SNX24: variants seen among roughly 807,000 people sequenced by gnomAD.
SNX24 encodes sorting nexin 24.
SNX24 carries 22 observed loss-of-function variants against 28.7 expected under a neutral mutation model. The observed-to-expected ratio is 0.77, with a 90% confidence interval of 0.55 to 1.10. The LOEUF is 1.10. SNX24 is among the 50% of genes least tolerant of loss of function. The probability of loss-of-function intolerance (pLI) is 0.00; values close to 1 mark genes in which losing one functional copy is unlikely to be tolerated. For missense variants in SNX24, 221 were observed against 201.1 expected (o/e 1.10, Z -0.60); for synonymous variants, 69 against 71.5 (o/e 0.96, Z 0.18).
At chr5:122,991,590 G>T (rs1761851124) in intron 3 of SNX24, among the ~76,000 whole-genome samples, 2 of 152,122 alleles carry the variant, frequency 1.3e-5, no homozygotes, top group Admixed American at 6.6e-5. Flanking sequence ...CTCCCGAGTA[G>T]TTGGGATCAC....
At chr5:122,914,359 T>G (rs1187937443) in intron 1 of SNX24, among the ~76,000 whole-genome samples, 1 of 152,230 alleles carries the variant, frequency 6.6e-6, no homozygotes, top group Non-Finnish European at 1.5e-5. Flanking sequence ...ACAATTCTCT[T>G]TTCTTGTTGT....
intron 1 of SNX24, among the ~76,000 whole-genome samples, chr5:122,917,505 C>T (rs534667679): frequency 1.3e-5 from 2 of 151,674 alleles, no homozygotes; most frequent in South Asian, 2.1e-4. Context: ...TTCTGTTCCT[C>T]GCTTCTCTCC....
At chr5:122,853,025 T>C (rs1754992877) in intron 1 of SNX24, among the ~76,000 whole-genome samples, 1 of 151,274 alleles carries the variant, frequency 6.6e-6, no homozygotes, top group South Asian at 2.1e-4. Flanking sequence ...GCTGGCACAG[T>C]GCCTCATTCA....
intron 1 of SNX24, 138 bp from the exon 2 acceptor site, chr5:122,936,596 G>A: frequency 2.1e-6 from 1 of 477,900 alleles, no homozygotes; most frequent in Non-Finnish European, 3.8e-6. Flanking sequence ...TTGGGCCAGG[G>A]TGTCCTGAGC....
rs545770131 is a variant in SNX24, at chr5:122,952,123, T to G, written c.249+5964T>G. 5.3e-5 allele frequency among the ~76,000 whole-genome samples: 8 copies of G among 152,332 alleles called. No individual in the cohort carries two copies. In the South Asian group the frequency reaches 1.7e-3, roughly 32 times the overall value. On this transcript the variant is annotated intron_variant, in intron 3 of 6. Transcript: ENST00000261369. ...AACATAAAGAATTTCATATGAAGACTTGTGTCCCATTCCCAAGATATCTCA... is the reference window on the plus strand; with the variant it reads ...AACATAAAGAATTTCATATGAAGACGTGTGTCCCATTCCCAAGATATCTCA...
chr5:122,879,229 A>C (rs181533157), intron 1 of SNX24, among the ~76,000 whole-genome samples: 1 of 152,224 alleles, frequency 6.6e-6, no homozygotes, highest in East Asian at 1.9e-4. Flanking sequence ...GCCATGTTTC[A>C]AATGCTTGAC....
At chr5:122,906,923 C>G (rs1391657068) in intron 1 of SNX24, among the ~76,000 whole-genome samples, 1 of 152,174 alleles carries the variant, frequency 6.6e-6, no homozygotes, top group East Asian at 1.9e-4. Context: ...GTGACTCTAG[C>G]CCCTGCTCAT....
chr5:123,020,970 G>A (rs1402537776), intron 5 of SNX24, among the ~76,000 whole-genome samples: 1 of 152,104 alleles, frequency 6.6e-6, no homozygotes, highest in African/African-American at 2.4e-5. Flanking sequence ...TGTTCTGGAT[G>A]GCCAACAGGA....
At chr5:122,870,018 C>G (rs1316743364) in intron 1 of SNX24, among the ~76,000 whole-genome samples, 1 of 151,976 alleles carries the variant, frequency 6.6e-6, no homozygotes, top group Non-Finnish European at 1.5e-5. Flanking sequence ...TTTAGGGAAA[C>G]TTTAATCAAC....
intron 1 of SNX24, among the ~76,000 whole-genome samples, chr5:122,880,846 A>C (rs755906093): frequency 2.0e-5 from 3 of 152,188 alleles, no homozygotes; most frequent in Non-Finnish European, 4.4e-5. Context: ...TAAACTAACC[A>C]CAACCAGCAT....
Position 122,946,130 on chromosome 5 carries a change from C to A in SNX24, c.220C>A (p.Arg74=). 4.4e-6 allele frequency: 7 copies of A among 1,608,334 alleles called. No individual in the cohort carries two copies. The highest frequency in any genetic ancestry group is 6.0e-6 in the Non-Finnish European group (7 of 1,175,590). ...CTGGGTCCCCAAAGTCTTGGAACAG[C>A]GACGACAAGGCTTGGAAACATACTT... is the stretch of plus-strand genomic sequence containing the variant. The part of the protein sequence containing the change: ...RNWVPKVLEQ[R]RQGLETYLQA... The change falls in exon 3 of 7, where the codon CGA becomes AGA. Residue 74 remains arginine, a synonymous_variant. Transcript: ENST00000261369.
Position 122,873,805 on chromosome 5 carries a change from A to ACC in SNX24, c.60+28114_60+28115dup, listed in dbSNP as rs1422342899. ...TTTGAGATGGAGTTTCACTCTTGTC[A>ACC]CCCAGGCTGGAGTGCAATGGCGCAA... On this transcript the variant is annotated intron_variant, in intron 1 of 6. Transcript: ENST00000261369. 1.2e-4 allele frequency among the ~76,000 whole-genome samples: 16 copies of ACC among 131,500 alleles called. No homozygotes were observed. The Admixed American group carries it at 1.4e-3, about 11-fold the overall frequency. 86.3% of individuals were successfully genotyped at this position (131,500 alleles called of 152,430 possible).
intron 1 of SNX24, among the ~76,000 whole-genome samples, chr5:122,865,955 TTAA>T (rs1387700195): frequency 1.1e-4 from 16 of 152,166 alleles, no homozygotes; most frequent in Non-Finnish European, 2.9e-5. Context: ...TGACATAAAG[TTAA>T]TAATACATAA....
intron 3 of SNX24, among the ~76,000 whole-genome samples, chr5:122,966,317 G>T (rs1189893027): frequency 6.6e-6 from 1 of 152,154 alleles, no homozygotes; most frequent in Non-Finnish European, 1.5e-5. Flanking sequence ...TGTGCACAAC[G>T]TGTAGGTTTG....
intron 1 of SNX24, among the ~76,000 whole-genome samples, chr5:122,855,654 T>G (rs1376609194): frequency 2.0e-5 from 3 of 152,240 alleles, no homozygotes; most frequent in African/African-American, 7.2e-5. Context: ...CAAATGCTGC[T>G]GCTGCTTTAT....
chr5:123,023,937 T>C (rs760764529), intron 5 of SNX24: 26 of 1,614,000 alleles, frequency 1.6e-5, no homozygotes. Flanking sequence ...CTGTTGATGA[T>C]CGAGCAGTTG....
chr5:122,941,503 T>C (rs1434763931), intron 2 of SNX24, among the ~76,000 whole-genome samples: 2 of 152,218 alleles, frequency 1.3e-5, no homozygotes, highest in Admixed American at 1.3e-4. Flanking sequence ...CCTTTTTCCA[T>C]GTTAGCTCCC....
At chr5:122,895,643 G>A (rs1415448698) in intron 1 of SNX24, among the ~76,000 whole-genome samples, 1 of 152,158 alleles carries the variant, frequency 6.6e-6, no homozygotes, top group Admixed American at 6.6e-5. Flanking sequence ...GTGTGTCCAC[G>A]CATGCCAGCA....
chr5:122,969,530 C>T (rs1760864472), intron 3 of SNX24, among the ~76,000 whole-genome samples: 1 of 152,126 alleles, frequency 6.6e-6, no homozygotes, highest in Admixed American at 6.5e-5. Context: ...ATTTCCCGAC[C>T]CTTGCAGGAT....
Sources: allele counts gnomAD v4.1 joint callset (sites outside exome capture counted in the v4.1 genomes callset), GRCh38; gene constraint gnomAD v4.1.1; transcripts MANE v1.5; gene names NCBI Gene and HGNC (gene_info 2026-07-23, HGNC 2026-07-21).